NXPE2: variants seen among roughly 807,000 people sequenced by gnomAD.
The protein encoded by NXPE2 is neurexophilin and PC-esterase domain family member 2.
NXPE2 carries 34 observed loss-of-function variants against 34.4 expected under a neutral mutation model. The observed-to-expected ratio is 0.99, with a 90% CI of 0.75 to 1.31. NXPE2 has a LOEUF of 1.31. Ranked by LOEUF, NXPE2 falls within the 40% of genes most tolerant of loss-of-function variation. The pLI is 0.00. For synonymous variants in NXPE2, 235 were observed against 231.3 expected, an observed-to-expected ratio of 1.02 and a Z score of -0.15; for missense variants, 649 against 672.5, an observed-to-expected ratio of 0.97 and a Z score of 0.39.
chr11:114,698,800 A>G lies in NXPE2; in HGVS notation c.866+22A>G, dbSNP rs144826834. Reference sequence around the variant, plus strand: ...ACAGGTAAAGAGGCTTTTAAATACAATAGCAGATAAAAAGAGGTATCCGAC... The same window carrying G: ...ACAGGTAAAGAGGCTTTTAAATACAGTAGCAGATAAAAAGAGGTATCCGAC... On this transcript the variant is annotated intron_variant, in intron 3 of 5. Transcript: ENST00000389586. The G allele has an allele frequency of 4.2e-5, 61 of 1,466,884 alleles. No individual in the cohort carries two copies. The African/African-American group carries it at 8.6e-4, about 21-fold the overall frequency. The allele number at this position is 1,466,884 out of a possible 1,614,324, so 90.9% of individuals were successfully genotyped here. A position where few individuals can be genotyped will look rare whatever the true frequency, so the allele number is the denominator to read the frequency against.
the NXPE2 span, among the ~76,000 whole-genome samples, chr11:114,600,400 T>C: frequency 2.0e-5 from 3 of 152,266 alleles, no homozygotes; most frequent in East Asian, 5.8e-4. Context: ...ATTCCTTCAT[T>C]TACCAAATAA....
At chr11:114,650,859 T>C in the NXPE2 span, among the ~76,000 whole-genome samples, 1 of 151,988 alleles carries the variant, frequency 6.6e-6, no homozygotes, top group East Asian at 1.9e-4. Context: ...ACTGCTGCCC[T>C]ACCCCAAGAA....
At chr11:114,725,061 C>A in the NXPE2 span, among the ~76,000 whole-genome samples, 1 of 151,994 alleles carries the variant, frequency 6.6e-6, no homozygotes, top group East Asian at 1.9e-4. Flanking sequence ...ATATTGCCCA[C>A]ACTAACAACA....
At chr11:114,559,364 A>G in the NXPE2 span, among the ~76,000 whole-genome samples, 5 of 152,210 alleles carry the variant, frequency 3.3e-5, no homozygotes, top group Admixed American at 3.3e-4. Flanking sequence ...ACATATTCAT[A>G]CATTTTCCAC....
chr11:114,793,480 A>T, the NXPE2 span, among the ~76,000 whole-genome samples: 7 of 152,154 alleles, frequency 4.6e-5, no homozygotes, highest in South Asian at 6.2e-4. Flanking sequence ...TTTGGAACTG[A>T]CTGTAGATAT....
the NXPE2 span, among the ~76,000 whole-genome samples, chr11:114,612,285 G>A: frequency 0.019 from 2,876 of 151,684 alleles, 88 homozygotes; most frequent in African/African-American, 0.066. Flanking sequence ...ACTATTACCC[G>A]TTGGATAATA....
the NXPE2 span, among the ~76,000 whole-genome samples, chr11:114,793,577 G>A: frequency 0.11 from 17,465 of 152,198 alleles, 1,102 homozygotes; most frequent in Admixed American, 0.19. Flanking sequence ...GGCCTTCTGC[G>A]ATGGGAAGCT....
chr11:114,773,968 T>C, the NXPE2 span, among the ~76,000 whole-genome samples: 1 of 152,226 alleles, frequency 6.6e-6, no homozygotes, highest in Non-Finnish European at 1.5e-5. Context: ...TCAGCCTCCA[T>C]AATCATGAGA....
the NXPE2 span, among the ~76,000 whole-genome samples, chr11:114,632,999 AATAATATATATTAT>A: frequency 9.9e-6 from 1 of 100,750 alleles, no homozygotes; most frequent in Non-Finnish European, 1.8e-5. Context: ...TATAATATAT[AATAATATATATTAT>A]ATAATATATA....
At chr11:114,636,474 C>G in the NXPE2 span, among the ~76,000 whole-genome samples, 4 of 151,832 alleles carry the variant, frequency 2.6e-5, 1 homozygote, top group African/African-American at 9.7e-5. Context: ...CAGTTCTGCT[C>G]TGATTTTAGT....
At chr11:114,790,970 T>C in the NXPE2 span, among the ~76,000 whole-genome samples, 1 of 143,262 alleles carries the variant, frequency 7.0e-6, no homozygotes, top group Non-Finnish European at 1.5e-5. Flanking sequence ...TTTTTTTTTT[T>C]CCTCTTAATC....
At chr11:114,583,691 G>A in the NXPE2 span, 231 of 578,022 alleles carry the variant, frequency 4.0e-4, 2 homozygotes, top group South Asian at 3.1e-3. Context: ...GAAGTTCAAG[G>A]CATCTGGCTT....
the NXPE2 span, among the ~76,000 whole-genome samples, chr11:114,598,860 C>T: frequency 6.6e-6 from 1 of 152,118 alleles, no homozygotes. Flanking sequence ...TCTCCACCTG[C>T]AGGCTTAACA....
chr11:114,769,169 A>G, the NXPE2 span, among the ~76,000 whole-genome samples: 1 of 152,154 alleles, frequency 6.6e-6, no homozygotes, highest in Non-Finnish European at 1.5e-5. Context: ...ACACTTCTCA[A>G]AAGAAGACAT....
At chr11:114,631,747 C>A in the NXPE2 span, among the ~76,000 whole-genome samples, 2 of 151,806 alleles carry the variant, frequency 1.3e-5, no homozygotes. Flanking sequence ...TGGGTAACCA[C>A]TGTCACCCGG....
chr11:114,474,782 G>C, the NXPE2 span, among the ~76,000 whole-genome samples: 5 of 152,300 alleles, frequency 3.3e-5, no homozygotes, highest in African/African-American at 1.2e-4. Context: ...CACCGTTTCA[G>C]GTACTTGTAT....
At chr11:114,617,176 GATA>G in the NXPE2 span, among the ~76,000 whole-genome samples, 34 of 151,960 alleles carry the variant, frequency 2.2e-4, no homozygotes, top group African/African-American at 7.0e-4. Flanking sequence ...TTACCCAGTG[GATA>G]ATAAGTGTTG....
chr11:114,605,526 C>T, the NXPE2 span, among the ~76,000 whole-genome samples: 1 of 151,354 alleles, frequency 6.6e-6, no homozygotes, highest in Non-Finnish European at 1.5e-5. Flanking sequence ...CCACAGTTAC[C>T]CGGTGGATAA....
the NXPE2 span, among the ~76,000 whole-genome samples, chr11:114,785,091 A>G: frequency 6.6e-6 from 1 of 152,146 alleles, no homozygotes; most frequent in Non-Finnish European, 1.5e-5. Flanking sequence ...TCTATTAATC[A>G]GGCCTCTCCG....
Sources: gnomAD v4.1 joint callset for allele counts (sites outside exome capture counted in the v4.1 genomes callset) on GRCh38, gnomAD v4.1.1 for gene constraint, MANE v1.5 for transcripts, NCBI Gene and HGNC (gene_info 2026-07-23, HGNC 2026-07-21) for gene names.